SDCCAG8: variants seen among roughly 807,000 people sequenced by gnomAD.
SDCCAG8 encodes the protein SHH signaling and ciliogenesis regulator SDCCAG8, also known as serologically defined colon cancer antigen 8.
SDCCAG8 carries 74 observed loss-of-function variants against 101.8 expected under a neutral mutation model. The observed-to-expected ratio is 0.73, with a 90% confidence interval of 0.60 to 0.88. SDCCAG8 has a LOEUF of 0.88. Ranked by LOEUF, SDCCAG8 falls within the 40% of genes least tolerant of loss-of-function variation. The pLI is 0.00. For synonymous variants in SDCCAG8, 281 were observed against 292.9 expected (o/e 0.96, Z 0.41); for missense variants, 787 against 822.6 (o/e 0.96, Z 0.53).
chr1:243,351,562 ATCT>A (rs1318113237), intron 12 of SDCCAG8, among the ~76,000 whole-genome samples: 25 of 152,228 alleles, frequency 1.6e-4, no homozygotes, highest in Admixed American at 1.6e-3. Flanking sequence ...TTTTTATAGC[ATCT>A]TCTCTAAGTA....
intron 17 of SDCCAG8, 55 bp from the exon 18 acceptor site, chr1:243,499,701 A>AAAT (rs1481487221): frequency 1.4e-6 from 2 of 1,384,054 alleles, no homozygotes; most frequent in Admixed American, 1.7e-5. Flanking sequence ...ATGAGAAGAC[A>AAAT]AATAACATTG....
At chr1:243,480,987 G>T (rs1663634723) in intron 16 of SDCCAG8, among the ~76,000 whole-genome samples, 1 of 151,912 alleles carries the variant, frequency 6.6e-6, no homozygotes, top group South Asian at 2.1e-4. Context: ...GTGACTAGGG[G>T]TGGTCCCACC....
chr1:243,332,300 ATTGAAT>A (rs1336704536), intron 10 of SDCCAG8, among the ~76,000 whole-genome samples: 4 of 152,244 alleles, frequency 2.6e-5, no homozygotes, highest in Non-Finnish European at 5.9e-5. Flanking sequence ...ATGGAAAGCC[ATTGAAT>A]GGCTTTGAAT....
At chr1:243,367,953 C>G (rs1260585018) in intron 12 of SDCCAG8, among the ~76,000 whole-genome samples, 1 of 151,710 alleles carries the variant, frequency 6.6e-6, no homozygotes, top group African/African-American at 2.4e-5. Context: ...GTGGCTCATG[C>G]CTGTAATCCC....
intron 16 of SDCCAG8, among the ~76,000 whole-genome samples, chr1:243,433,644 C>T (rs2081949505): frequency 6.6e-6 from 1 of 152,166 alleles, no homozygotes; most frequent in South Asian, 2.1e-4. Flanking sequence ...TTTATATAGA[C>T]CTAAAGGTCT....
chr1:243,498,074 A>G (rs1668480462), intron 17 of SDCCAG8, among the ~76,000 whole-genome samples: 1 of 152,186 alleles, frequency 6.6e-6, no homozygotes, highest in African/African-American at 2.4e-5. Flanking sequence ...CCACTGTGTC[A>G]AGAGCGAGGC....
chr1:243,374,427 T>G (rs58560561), intron 12 of SDCCAG8, among the ~76,000 whole-genome samples: 81,446 of 151,916 alleles, frequency 0.54, 25,390 homozygotes, highest in East Asian at 0.9. Flanking sequence ...GAAAAAGAGA[T>G]GACTGTAAAA....
Position 243,405,198 on chromosome 1 carries a change from G to A in SDCCAG8, c.1617-10504G>A, listed in dbSNP as rs566262134. The stretch of plus-strand genomic sequence containing the variant: ...AGACTTCTTGCTAGTTTGAAATATA[G>A]CTGTAAATTGAGGTATAAATTAAAA... On this transcript the variant is annotated intron_variant, in intron 13 of 17. Transcript: ENST00000366541. 2.6e-5 allele frequency among the ~76,000 whole-genome samples: 4 copies of A among 152,250 alleles called. No individual in the cohort carries two copies. The East Asian group carries it at 5.8e-4, about 22-fold the overall frequency.
chr1:243,430,706 G>A (rs1304292662), intron 16 of SDCCAG8, among the ~76,000 whole-genome samples: 4 of 151,976 alleles, frequency 2.6e-5, no homozygotes, highest in Non-Finnish European at 5.9e-5. Context: ...CCAAAGTGCT[G>A]GGATTACAGG....
chr1:243,332,258 T>C (rs1374745665), intron 10 of SDCCAG8, among the ~76,000 whole-genome samples: 3 of 152,222 alleles, frequency 2.0e-5, no homozygotes, highest in Non-Finnish European at 2.9e-5. Context: ...TTAAAATCCA[T>C]ATGAAGGATT....
At chr1:243,471,105 C>G (rs1195992972) in intron 16 of SDCCAG8, among the ~76,000 whole-genome samples, 1 of 152,086 alleles carries the variant, frequency 6.6e-6, no homozygotes, top group Non-Finnish European at 1.5e-5. Flanking sequence ...AGCAGATGTG[C>G]TGCTAGATCT....
At position 243,330,532 on chromosome 1, in the gene SDCCAG8, C is replaced by T. The variant is rs752672598; in HGVS notation, c.1069-8C>T. 1.9e-6 allele frequency: 3 copies of T among 1,613,970 alleles called. No homozygotes were observed. Among genetic ancestry groups the T allele is most frequent in the Middle Eastern group, 1.6e-4 (1 of 6,062 alleles). ...AACCTCCTCTTTCAATCTGTTCTAT[C>T]CTGGCAGGCTTTAATCCAGTGTGAC... On this transcript the variant is annotated splice_region_variant and splice_polypyrimidine_tract_variant and intron_variant, in intron 9 of 17. Coordinates refer to ENST00000366541, the MANE Select transcript of SDCCAG8 (RefSeq NM_006642.5).
chr1:243,479,920 A>G (rs1180635807), intron 16 of SDCCAG8, among the ~76,000 whole-genome samples: 1 of 151,092 alleles, frequency 6.6e-6, no homozygotes, highest in Non-Finnish European at 1.5e-5. Context: ...ATTAAAACAC[A>G]TGCTGCTGGG....
chr1:243,303,150 A>G (rs1174795716), intron 6 of SDCCAG8, among the ~76,000 whole-genome samples: 1 of 152,226 alleles, frequency 6.6e-6, no homozygotes, highest in Non-Finnish European at 1.5e-5. Flanking sequence ...GAGTTGATGG[A>G]GATGAGTGCT....
At chr1:243,456,207 A>G (rs983672210) in intron 16 of SDCCAG8, among the ~76,000 whole-genome samples, 4 of 152,214 alleles carry the variant, frequency 2.6e-5, no homozygotes, top group Admixed American at 2.6e-4. Context: ...TTTACTGAAC[A>G]GGAAAGCCTG....
chr1:243,341,965 G>T (rs1291775772), intron 11 of SDCCAG8, among the ~76,000 whole-genome samples: 2 of 152,008 alleles, frequency 1.3e-5, no homozygotes, highest in African/African-American at 2.4e-5. Flanking sequence ...CCTAAATTTT[G>T]ACATATTTGT....
chr1:243,320,469 C>T (rs904994150), intron 9 of SDCCAG8, among the ~76,000 whole-genome samples: 1 of 152,190 alleles, frequency 6.6e-6, no homozygotes, highest in African/African-American at 2.4e-5. Context: ...CCCTTTTGCC[C>T]TCCAAGGCTG....
intron 13 of SDCCAG8, among the ~76,000 whole-genome samples, chr1:243,382,439 AT>A (rs1195248452): frequency 2.6e-5 from 4 of 152,226 alleles, no homozygotes; most frequent in Admixed American, 6.5e-5. Flanking sequence ...GGGAAACAAT[AT>A]TTTTTGACAC....
At chr1:243,322,573 C>T (rs1344694039) in intron 9 of SDCCAG8, among the ~76,000 whole-genome samples, 2 of 152,150 alleles carry the variant, frequency 1.3e-5, no homozygotes, top group South Asian at 2.1e-4. Context: ...TCTGGTGTTA[C>T]GGAATTTCTC....
Sources: gnomAD v4.1 joint callset for allele counts (sites outside exome capture counted in the v4.1 genomes callset) on GRCh38, gnomAD v4.1.1 for gene constraint, MANE v1.5 for transcripts, NCBI Gene and HGNC (gene_info 2026-07-23, HGNC 2026-07-21) for gene names.